Variants in PZP observed in about 807,000 individuals in gnomAD.
PZP encodes pregnancy zone protein.
PZP carries 150 observed loss-of-function variants against 179.8 expected under a neutral mutation model. The ratio of observed to expected loss-of-function variants is 0.83; its 90% confidence interval spans 0.73 to 0.96. The LOEUF is 0.96. PZP is among the 40% of genes least tolerant of loss of function. The pLI, the probability that PZP is intolerant of heterozygous loss-of-function variation, is 0.00. For missense variants in PZP, 1,689 were observed against 1,764.0 expected (o/e 0.96, Z 0.76); for synonymous variants, 624 against 652.3 (o/e 0.96, Z 0.66).
chr12:9,146,389 G>A (rs1001442111), downstream of PZP, among the ~76,000 whole-genome samples: 2 of 151,734 alleles, frequency 1.3e-5, no homozygotes, highest in Admixed American at 6.6e-5. Flanking sequence ...ACTTTTTGTG[G>A]TTTTGTTGAA....
intron 23 of PZP, 141 bp from the exon 24 acceptor site, chr12:9,160,631 C>G (rs1201005575): frequency 1.3e-6 from 1 of 795,014 alleles, no homozygotes; most frequent in Non-Finnish European, 2.0e-6. Flanking sequence ...CTTCCAGAAT[C>G]CTAATAAGAA....
chr12:9,150,594 G>A, intron 34 of PZP, 50 bp downstream of exon 34: 1 of 1,207,450 alleles, frequency 8.3e-7, no homozygotes, highest in Non-Finnish European at 1.2e-6. Context: ...GTCACAACAG[G>A]ATCCATTTCT....
In PZP at chr12:9,203,848, A is replaced by G. The variant is rs1334118402; in HGVS notation, c.187T>C (p.Leu63=). The part of the protein sequence containing the change: ...LNETVTVSAS[L]ESGRENRSLF... ...CTCCTGTTTTCCCTGCCAGACTCCA[A>G]GGAAGCACTTACAGTCACTGTCTCA... is the stretch of plus-strand genomic sequence containing the variant. The change falls in exon 2 of 36, where the codon TTG becomes CTG. Residue 63 remains leucine (L), a synonymous_variant. Transcript: ENST00000261336. 1.2e-6 allele frequency: 2 copies of G among 1,614,114 alleles called. No individual in the cohort carries two copies. Among genetic ancestry groups the G allele is most frequent in the Admixed American group, 1.7e-5 (1 of 60,024 alleles).
At chr12:9,146,067 T>C (rs1369454978), downstream of PZP, among the ~76,000 whole-genome samples, 1 of 152,172 alleles carries the variant, frequency 6.6e-6, no homozygotes, top group African/African-American at 2.4e-5. Context: ...CATTTCCTTT[T>C]TCAGGTTGAG....
rs1385171677 is a variant in PZP, at chr12:9,192,575, C to T, written c.1419G>A (p.Thr473=). 3.7e-6 allele frequency: 6 copies of T among 1,614,064 alleles called. No homozygotes were observed. Among genetic ancestry groups the T allele is most frequent in the African/African-American group, 1.3e-5 (1 of 74,908 alleles). The stretch of plus-strand genomic sequence containing the variant: ...CCTGTCTATTCAGTGTATAGTGTGC[C>T]GTGATAGTCTCCGTGTGGCCACAGG... The part of the protein sequence containing the change: ...TLPCGHTETI[T]AHYTLNRQAM... The change falls in exon 12 of 36, where the codon ACG becomes ACA. Residue 473 remains threonine (T), a synonymous_variant. Transcript: ENST00000261336.
intron 4 of PZP, among the ~76,000 whole-genome samples, chr12:9,202,005 A>G (rs1944189311): frequency 6.6e-6 from 1 of 152,216 alleles, no homozygotes; most frequent in African/African-American, 2.4e-5. Context: ...TTTTTTAATC[A>G]TAAATTCCTT....
At chr12:9,168,692 C>T in intron 17 of PZP, 177 bp downstream of exon 17, 1 of 515,074 alleles carries the variant, frequency 1.9e-6, no homozygotes, top group Non-Finnish European at 3.4e-6. Flanking sequence ...AAAAAAAAAT[C>T]TCTGATCAGT....
intron 18 of PZP, 142 bp downstream of exon 18, chr12:9,165,910 C>T (rs1489699614): frequency 3.0e-6 from 3 of 989,300 alleles, no homozygotes; most frequent in Non-Finnish European, 4.5e-6. Context: ...TGCAATTGCG[C>T]ATTTTACTTA....
intron 12 of PZP, 126 bp downstream of exon 12, chr12:9,192,386 A>T: frequency 7.9e-7 from 1 of 1,272,072 alleles, no homozygotes; most frequent in Non-Finnish European, 1.1e-6. Flanking sequence ...AACTCATGGA[A>T]TGAAGGACGC....
In PZP at chr12:9,155,166, C is replaced by T. The variant is rs139912049; in HGVS notation, c.3551-327G>A. Among the ~76,000 whole-genome samples, 293 of 152,294 alleles carry T rather than the reference C, an allele frequency of 1.9e-3. 1 individual carries two copies. Among genetic ancestry groups the T allele is most frequent in the African/African-American group, 6.8e-3 (282 of 41,570 alleles). On this transcript the variant is annotated intron_variant, in intron 28 of 35. Coordinates refer to ENST00000261336, the MANE Select transcript of PZP (RefSeq NM_002864.3). ...TGTTCGTGATATTTTCTGAGAATTG[C>T]AGTATAGACTAGAATATAAAACTTA...
the PZP span, among the ~76,000 whole-genome samples, chr12:9,138,283 T>G: frequency 6.6e-6 from 1 of 152,046 alleles, no homozygotes; most frequent in Admixed American, 6.5e-5. Flanking sequence ...TATGTGATTT[T>G]TTTTCCCTTT....
At chr12:9,141,375 T>G in the PZP span, among the ~76,000 whole-genome samples, 1 of 152,216 alleles carries the variant, frequency 6.6e-6, no homozygotes, top group Admixed American at 6.5e-5. Context: ...AATAGAACCT[T>G]GTAGATACAT....
chr12:9,148,812 T>C (rs1218711301), downstream of PZP: 5 of 616,644 alleles, frequency 8.1e-6, no homozygotes, highest in African/African-American at 1.9e-5. Flanking sequence ...GTTATTAATG[T>C]CTGATGAATG....
intron 15 of PZP, among the ~76,000 whole-genome samples, chr12:9,177,270 T>C (rs1243386718): frequency 6.6e-6 from 1 of 152,186 alleles, no homozygotes; most frequent in Admixed American, 6.5e-5. Context: ...AGAAAATCAG[T>C]TGTCACATTG....
At chr12:9,161,706 CCTT>C (rs1183824306) in intron 22 of PZP, among the ~76,000 whole-genome samples, 1 of 152,192 alleles carries the variant, frequency 6.6e-6, no homozygotes, top group African/African-American at 2.4e-5. Flanking sequence ...TTAAATTAGT[CCTT>C]CTCAAATGAC....
At chr12:9,161,143 A>G in intron 22 of PZP, 27 bp from the exon 23 acceptor site, 1 of 1,488,788 alleles carries the variant, frequency 6.7e-7, no homozygotes, top group African/African-American at 1.4e-5. Context: ...CCCATGTTAA[A>G]GGAGGACATC....
chr12:9,196,593 G>A lies in PZP; in HGVS notation c.960C>T (p.Ala320=). ...TGFEMKLRVE[A]RIREEGTDLE... is the part of the protein sequence containing the mutation. ...CACCTGTCCCCTCTTCTCTGATCCT[G>A]GCTTCCACTCTAAGCTTCATTTCAA... is the stretch of plus-strand genomic sequence containing the variant. The change falls in exon 9 of 36, where the codon GCC becomes GCT. Residue 320 remains alanine, a synonymous_variant. Coordinates refer to ENST00000261336, the MANE Select transcript of PZP (RefSeq NM_002864.3). 1 of 1,611,206 alleles carries A rather than the reference G, an allele frequency of 6.2e-7. No homozygotes were observed. The highest frequency in any genetic ancestry group is 8.5e-7 in the Non-Finnish European group (1 of 1,177,532).
intron 13 of PZP, among the ~76,000 whole-genome samples, chr12:9,185,526 C>G: frequency 6.6e-6 from 1 of 152,188 alleles, no homozygotes; most frequent in Non-Finnish European, 1.5e-5. Flanking sequence ...GGATATCATC[C>G]ATGAGAACTT....
chr12:9,202,515 C>T lies in PZP; in HGVS notation c.427+10G>A, dbSNP rs1944223847. ...AGTGTTGCCCCAAACAGTGGAATTT[C>T]CCTACTTACCTGTCTGTCCTGGTTT... On this transcript the variant is annotated intron_variant, in intron 3 of 35. Transcript: ENST00000261336. The T allele has an allele frequency of 3.1e-6, 5 of 1,613,550 alleles. No homozygotes were observed. Among genetic ancestry groups the T allele is most frequent in the Non-Finnish European group, 4.2e-6 (5 of 1,179,850 alleles).
Sources: gnomAD v4.1 joint callset for allele counts (sites outside exome capture counted in the v4.1 genomes callset) on GRCh38, gnomAD v4.1.1 for gene constraint, MANE v1.5 for transcripts, NCBI Gene and HGNC (gene_info 2026-07-23, HGNC 2026-07-21) for gene names.